The following QRICH2 variants were observed in gnomAD, a reference collection of about 807,000 sequenced individuals.
QRICH2 encodes glutamine-rich protein 2.
A neutral mutation model predicts 168.3 loss-of-function variants in QRICH2; 119 were observed. The observed-to-expected ratio is 0.71, with a 90% CI of 0.61 to 0.82. The LOEUF is 0.82. Ranked by LOEUF, QRICH2 falls within the 40% of genes least tolerant of loss-of-function variation. QRICH2 has a pLI of 0.00. For synonymous variants in QRICH2, 894 were observed against 951.2 expected, an observed-to-expected ratio of 0.94 and a Z score of 1.11; for missense variants, 2,241 against 2,491.6, an observed-to-expected ratio of 0.90 and a Z score of 2.14.
intron 4 of QRICH2, among the ~76,000 whole-genome samples, chr17:76,290,474 T>C (rs2070967130): frequency 6.6e-6 from 1 of 152,148 alleles, no homozygotes; most frequent in Non-Finnish European, 1.5e-5. Flanking sequence ...TCTGCCTCCC[T>C]GGCTCCAACA....
chr17:76,280,788 C>T lies in QRICH2; in HGVS notation c.4386+43G>A. 1 of 1,613,980 alleles carries T rather than the reference C, an allele frequency of 6.2e-7. No homozygotes were observed. The highest frequency in any genetic ancestry group is 8.5e-7 in the Non-Finnish European group (1 of 1,179,960). On this transcript the variant is annotated intron_variant, in intron 9 of 18. Transcript: ENST00000680821. The surrounding 1 kb of genome is among the most constrained non-coding windows in gnomAD (Gnocchi z 7.4). ...CAGCAGCTGCGGGGCTAGGGCACCA[C>T]ATTGAGCCCCGGCCCCATCCCAGCC...
rs755195564 is a variant in QRICH2, at chr17:76,276,747, C to T, written c.5286G>A (p.Leu1762=). Residue 1762 remains leucine (L), a synonymous_variant, in exon 17 of 19, where the codon TTG becomes TTA. Transcript: ENST00000680821. The stretch of plus-strand genomic sequence containing the variant: ...CCTTGTAAATGTGGCCATCCAGGCC[C>T]AAGATGTCCACCTCATCATGCTGTA... ...IAMKHDEVDI[L]GLDGHIYKGR... 1 of 1,612,956 alleles carries T rather than the reference C, an allele frequency of 6.2e-7. No individual in the cohort carries two copies. Among genetic ancestry groups the T allele is most frequent in the South Asian group, 1.1e-5 (1 of 91,080 alleles).
At chr17:76,310,263 C>T (rs772411377), upstream of QRICH2, 9 of 147,816 alleles carry the variant, frequency 6.1e-5, no homozygotes, top group Non-Finnish European at 1.3e-4. Flanking sequence ...TCCCAAAGTG[C>T]TGGGATTACA....
At chr17:76,275,697 C>T in intron 18 of QRICH2, 122 bp downstream of exon 18, 2 of 1,276,968 alleles carry the variant, frequency 1.6e-6, no homozygotes, top group South Asian at 1.5e-5. Flanking sequence ...CACACCCATC[C>T]CCCCCTTCGG....
chr17:76,310,963 A>G (rs2071065093), upstream of QRICH2: 1 of 152,192 alleles, frequency 6.6e-6, no homozygotes, highest in Non-Finnish European at 1.5e-5. Context: ...GCAACTTCAG[A>G]GCCACTCAGA....
In QRICH2 at chr17:76,291,622, A is replaced by T. The variant is rs2070993764; in HGVS notation, c.3105T>A (p.Gly1035=). The stretch of plus-strand genomic sequence containing the variant: ...GTGGTACCAAACTCCTTCGATCTAT[A>T]CCAGGTGATGCCAAACCTTGACTGG... The part of the protein sequence containing the change: ...LLASQGLASP[G]IDRRSLVPPE... Residue 1035 remains glycine (G), a synonymous_variant, in exon 4 of 19, where the codon GGT becomes GGA. Coordinates refer to ENST00000680821, the MANE Select transcript of QRICH2 (RefSeq NM_001388453.1). 1 of 1,614,078 alleles carries T rather than the reference A, an allele frequency of 6.2e-7. No individual in the cohort carries two copies. The highest frequency in any genetic ancestry group is 8.5e-7 in the Non-Finnish European group (1 of 1,180,004).
In QRICH2 at chr17:76,292,780, A is replaced by T; in HGVS notation, c.1947T>A (p.Asp649Glu). Reference protein sequence around the residue: ...GLIQPGTGQHDLVQSGTGQGV... With the variant: ...GLIQPGTGQHELVQSGTGQGV... ...CCTGACCTGTGCCAGATTGGACCAA[A>T]TCATGCTGACCTGTGCCAGGCTGGA... Residue 649 changes from aspartate (D) to glutamate (E), a missense_variant, in exon 4 of 19, where the codon GAT becomes GAA. Physicochemically the swap from Asp to Glu is conservative, Grantham distance 45. Transcript: ENST00000680821. The T allele has an allele frequency of 6.2e-7, 1 of 1,613,594 alleles. No homozygotes were observed. Among genetic ancestry groups the T allele is most frequent in the Non-Finnish European group, 8.5e-7 (1 of 1,179,974 alleles).
rs754714170 is a variant in QRICH2, at chr17:76,277,312, T to A, written c.5118-2A>T. The A allele has an allele frequency of 2.9e-5, 46 of 1,609,504 alleles. No homozygotes were observed. The highest frequency in any genetic ancestry group is 3.8e-5 in the Non-Finnish European group (45 of 1,178,644). ...GTGTAATCAGCCATATCTGTCACCC[T>A]GTGATGAAGACAGGATGGAGTCATT... On this transcript the variant is annotated splice_acceptor_variant, in intron 15 of 18. Coordinates refer to ENST00000680821, the MANE Select transcript of QRICH2 (RefSeq NM_001388453.1). LOFTEE classifies it high-confidence loss of function.
In QRICH2 at chr17:76,281,316, C is replaced by A. The variant is rs895440144; in HGVS notation, c.4264-363G>T. Reference sequence around the variant, plus strand: ...GACTAGCCTTGTGACCCTGGCCTGCCGGTCAGGGGTCATTAGAGGTGATGG... The same window carrying A: ...GACTAGCCTTGTGACCCTGGCCTGCAGGTCAGGGGTCATTAGAGGTGATGG... On this transcript the variant is annotated intron_variant, in intron 8 of 18. Transcript: ENST00000680821. The surrounding 1 kb of genome is among the most constrained non-coding windows in gnomAD (Gnocchi z 4.4). Among the ~76,000 whole-genome samples, 1 of 152,134 alleles carries A rather than the reference C, an allele frequency of 6.6e-6. No individual in the cohort carries two copies. The highest frequency in any genetic ancestry group is 2.4e-5 in the African/African-American group (1 of 41,414).
Position 76,277,999 on chromosome 17 carries a change from A to C in QRICH2, c.5107T>G (p.Cys1703Gly), listed in dbSNP as rs572167318. 1 of 1,611,988 alleles carries C rather than the reference A, an allele frequency of 6.2e-7. No individual in the cohort carries two copies. The highest frequency in any genetic ancestry group is 1.1e-5 in the South Asian group (1 of 91,092). Residue 1703 changes from cysteine to glycine, a missense_variant, in exon 15 of 19, where the codon TGC becomes GGC. Cys to Gly is a radical substitution (Grantham distance 159). This residue lies in a region of QRICH2 where 2,047 missense variants were observed against 2,303.8 expected (regional missense o/e 0.89). Transcript: ENST00000680821. The stretch of plus-strand genomic sequence containing the variant: ...CCGCCTCTCCTGTACCGTTTGTAGC[A>C]GGGGGAGCCCAGGCACTGGGCGTGC... ...LLHAQCLGSPCYKRVTDMADY... is the reference protein window; with the variant it reads ...LLHAQCLGSPGYKRVTDMADY...
rs1259712812 is a variant in QRICH2 at position 76,277,259 on chromosome 17, C to T, written c.5169G>A (p.Gly1723=). 6.2e-7 allele frequency: 1 copy of T among 1,601,402 alleles called. No homozygotes were observed. Among genetic ancestry groups the T allele is most frequent in the Non-Finnish European group, 8.5e-7 (1 of 1,176,506 alleles). Reference sequence around the variant, plus strand: ...AGGGGTAGGTGAGGGTGTGGCTGCCCCCGCAGCGCCGGGGCACAGTTGAGT... The same window carrying T: ...AGGGGTAGGTGAGGGTGTGGCTGCCTCCGCAGCGCCGGGGCACAGTTGAGT... ...YTYSTVPRRC[G]GSHTLTYPYH... Residue 1723 remains glycine, a synonymous_variant, in exon 16 of 19, where the codon GGG becomes GGA. Transcript: ENST00000680821.
rs964273125 is a variant in QRICH2, at chr17:76,304,476, G to A, written c.644C>T (p.Thr215Ile). ...CTCCAGCTCTTCCCAGGTGACCATGGTGACTTCTTCTGCACCAGGAACCAA... is the reference window on the plus strand; with the variant it reads ...CTCCAGCTCTTCCCAGGTGACCATGATGACTTCTTCTGCACCAGGAACCAA... The part of the protein sequence containing the change: ...LSLVPGAEEV[T>I]MVTWEELEQA... Residue 215 changes from threonine to isoleucine, a missense_variant, in exon 3 of 19, where the codon ACC becomes ATC. Thr to Ile is a moderately conservative substitution (Grantham distance 89). This residue lies in a region of QRICH2 where 2,047 missense variants were observed against 2,303.8 expected (regional missense o/e 0.89). Coordinates refer to ENST00000680821, the MANE Select transcript of QRICH2 (RefSeq NM_001388453.1). 2.5e-6 allele frequency: 4 copies of A among 1,613,736 alleles called. No individual in the cohort carries two copies. The highest frequency in any genetic ancestry group is 1.3e-5 in the African/African-American group (1 of 74,902).
At chr17:76,276,546 C>T (rs2070682823) in intron 17 of QRICH2, 134 bp downstream of exon 17, 6 of 639,698 alleles carry the variant, frequency 9.4e-6, no homozygotes. Flanking sequence ...GAGAGACCTG[C>T]ACATTTGGAG....
At position 76,307,556 on chromosome 17, in the gene QRICH2, G is replaced by A; in HGVS notation, c.443C>T (p.Pro148Leu). Reference protein sequence around the residue: ...SGLDLAALEWPEEQEVGVRAF... With the variant: ...SGLDLAALEWLEEQEVGVRAF... ...CCGCACGCCCACCTCCTGCTCCTCCGGCCACTCTAGCGCGGCCAGGTCAAG... is the reference window on the plus strand; with the variant it reads ...CCGCACGCCCACCTCCTGCTCCTCCAGCCACTCTAGCGCGGCCAGGTCAAG... The change falls in exon 1 of 19, where the codon CCG becomes CTG. Residue 148 changes from proline (P) to leucine (L), a missense_variant. By Grantham distance (98) the Pro-to-Leu change is moderately conservative. Coordinates refer to ENST00000680821, the MANE Select transcript of QRICH2 (RefSeq NM_001388453.1). The surrounding 1 kb of genome is among the most constrained non-coding windows in gnomAD (Gnocchi z 5.3). The A allele has an allele frequency of 6.3e-7, 1 of 1,587,256 alleles. No individual in the cohort carries two copies. Among genetic ancestry groups the A allele is most frequent in the Non-Finnish European group, 8.6e-7 (1 of 1,167,304 alleles).
intron 2 of QRICH2, 113 bp from the exon 3 acceptor site, chr17:76,304,638 G>C (rs895024502): frequency 2.6e-6 from 2 of 781,054 alleles, no homozygotes; most frequent in African/African-American, 3.4e-5. Flanking sequence ...CCCAGCCCCA[G>C]GGAGAATTCA....
chr17:76,308,340 C>A, upstream of QRICH2: 2 of 985,414 alleles, frequency 2.0e-6, no homozygotes, highest in Non-Finnish European at 2.4e-6. Flanking sequence ...CTGCGAGCCA[C>A]GGGGGCGGGG....
intron 7 of QRICH2, among the ~76,000 whole-genome samples, chr17:76,282,708 A>G (rs2070812294): frequency 6.6e-6 from 1 of 152,302 alleles, no homozygotes; most frequent in South Asian, 2.1e-4. Flanking sequence ...TGCATCCCGC[A>G]GGCCCCATTC....
At position 76,292,059 on chromosome 17, in the gene QRICH2, C is replaced by A. The variant is rs868868409; in HGVS notation, c.2668G>T (p.Gly890Cys). 2 of 1,614,172 alleles carry A rather than the reference C, an allele frequency of 1.2e-6. No individual in the cohort carries two copies. Among genetic ancestry groups the A allele is most frequent in the Middle Eastern group, 3.3e-4 (2 of 6,062 alleles). Residue 890 changes from glycine to cysteine, a missense_variant, in exon 4 of 19, where the codon GGT becomes TGT. Around this residue, in one of 3 missense-constraint regions of QRICH2, gnomAD observed 2,047 missense variants for 2,303.8 expected, o/e 0.89. Transcript: ENST00000680821. ...GLVQPGMDQR[G>C]LIQPGADQPG... is the part of the protein sequence containing the mutation. ...TGATCTGCACCAGGTTGGATCAAAC[C>A]ACGCTGGTCCATTCCAGGTTGGACC...
chr17:76,295,121 T>C (rs1187153228), intron 3 of QRICH2, among the ~76,000 whole-genome samples: 1 of 148,372 alleles, frequency 6.7e-6, no homozygotes, highest in Non-Finnish European at 1.5e-5. Flanking sequence ...TAGCTGGGTG[T>C]GGTGGCACGT....
Sources: gnomAD v4.1 joint callset for allele counts (sites outside exome capture counted in the v4.1 genomes callset) on GRCh38, gnomAD v4.1.1 for gene constraint, gnomAD v4.1.1 regional missense constraint, Gnocchi (gnomAD v3.1) non-coding constraint, MANE v1.5 for transcripts, NCBI Gene and HGNC (gene_info 2026-07-23, HGNC 2026-07-21) for gene names.